Variants in PRKAR2A observed in about 807,000 individuals in gnomAD.
PRKAR2A encodes the protein cAMP-dependent protein kinase type II-alpha regulatory subunit.
In PRKAR2A, 29 loss-of-function variants were observed where a neutral mutation model predicts 51.9. The observed-to-expected ratio is 0.56, with a 90% CI of 0.42 to 0.76. The LOEUF (loss-of-function observed/expected upper bound fraction) is 0.76. PRKAR2A is among the 30% of genes least tolerant of loss of function. The probability of loss-of-function intolerance (pLI) is 0.00; values close to 1 mark genes in which losing one functional copy is unlikely to be tolerated. For synonymous variants in PRKAR2A, 178 were observed against 186.2 expected (o/e 0.96, Z 0.36); for missense variants, 445 against 512.1 (o/e 0.87, Z 1.26).
chr3:48,835,437 C>T (rs1306391437), intron 1 of PRKAR2A, among the ~76,000 whole-genome samples: 2 of 151,826 alleles, frequency 1.3e-5, no homozygotes, highest in Non-Finnish European at 2.9e-5. Flanking sequence ...GTCAGCAGAT[C>T]GAGGCCATCC....
chr3:48,771,426 T>C (rs759068785), intron 6 of PRKAR2A, among the ~76,000 whole-genome samples: 6 of 152,138 alleles, frequency 3.9e-5, no homozygotes, highest in Non-Finnish European at 8.8e-5. Flanking sequence ...GAGGATTGCT[T>C]GAGCTCAGGA....
At chr3:48,824,542 T>A (rs2083025362) in intron 1 of PRKAR2A, among the ~76,000 whole-genome samples, 1 of 123,866 alleles carries the variant, frequency 8.1e-6, no homozygotes, top group Non-Finnish European at 1.7e-5. Flanking sequence ...TCCAAAATCA[T>A]AAGAAAGAAA....
Position 48,774,535 on chromosome 3 carries a change from TTCTA to T in PRKAR2A, c.543-1431_543-1428del, listed in dbSNP as rs1445524078. ...AAAAAAAGACATTAAAATTTATTTC[TTCTA>T]TCTAACTGTGTGTTTGTACCCATTA... On this transcript the variant is annotated intron_variant, in intron 5 of 10. Transcript: ENST00000265563. Among the ~76,000 whole-genome samples the T allele has an allele frequency of 3.3e-5, 5 of 152,268 alleles. No homozygotes were observed. In the East Asian group the frequency reaches 7.7e-4, roughly 24 times the overall value.
rs534405609 is a variant in PRKAR2A at position 48,836,626 on chromosome 3, A to G, written c.262+10709T>C. Among the ~76,000 whole-genome samples, 425 of 151,852 alleles carry G rather than the reference A, an allele frequency of 2.8e-3. 4 individuals carry two copies. The highest frequency in any genetic ancestry group is 9.7e-3 in the African/African-American group (403 of 41,424). ...CACCTATAGCACAAACAAGAAAAGA[A>G]AAAAGACACATCCGATTTCATCAGA... On this transcript the variant is annotated intron_variant, in intron 1 of 10. Coordinates refer to ENST00000265563, the MANE Select transcript of PRKAR2A (RefSeq NM_004157.4).
intron 1 of PRKAR2A, among the ~76,000 whole-genome samples, chr3:48,833,773 C>T (rs936113866): frequency 2.0e-5 from 3 of 150,368 alleles, no homozygotes; most frequent in Admixed American, 6.6e-5. Context: ...CAGTGGCTCA[C>T]GCCTGTATTC....
rs760005069 is a variant in PRKAR2A, at chr3:48,756,406, G to A, written c.912C>T (p.Gly304=). The A allele has an allele frequency of 9.9e-6, 16 of 1,613,652 alleles. No homozygotes were observed. Among genetic ancestry groups the A allele is most frequent in the East Asian group, 2.2e-5 (1 of 44,884 alleles). The part of the protein sequence containing the change: ...KADSFYIIES[G]EVSILIRSRT... Reference sequence around the variant, plus strand: ...TGCTTCTAATCAAGATGCTCACTTCGCCAGACTCTATGATGTAAAAGCTAT... The same window carrying A: ...TGCTTCTAATCAAGATGCTCACTTCACCAGACTCTATGATGTAAAAGCTAT... Residue 304 remains glycine, a synonymous_variant, in exon 9 of 11, where the codon GGC becomes GGT. Coordinates refer to ENST00000265563, the MANE Select transcript of PRKAR2A (RefSeq NM_004157.4).
chr3:48,751,836 C>T, intron 10 of PRKAR2A, 118 bp from the exon 11 acceptor site: 1 of 1,226,446 alleles, frequency 8.2e-7, no homozygotes, highest in Non-Finnish European at 1.1e-6. Flanking sequence ...ACACCAGCCA[C>T]TTGCAAAAAG....
At chr3:48,763,779 C>T (rs1224397734) in intron 8 of PRKAR2A, among the ~76,000 whole-genome samples, 1 of 152,114 alleles carries the variant, frequency 6.6e-6, no homozygotes, top group Non-Finnish European at 1.5e-5. Context: ...CACTGTCGTT[C>T]ATACTCTCCT....
At chr3:48,777,163 T>A (rs1281826325) in intron 5 of PRKAR2A, among the ~76,000 whole-genome samples, 2 of 152,102 alleles carry the variant, frequency 1.3e-5, no homozygotes, top group East Asian at 1.9e-4. Context: ...AAGACAGTCA[T>A]CTCGCCTGCT....
intron 4 of PRKAR2A, among the ~76,000 whole-genome samples, chr3:48,787,917 G>GT (rs2082321199): frequency 6.6e-6 from 1 of 152,180 alleles, no homozygotes; most frequent in Non-Finnish European, 1.5e-5. Context: ...TAGGAGCTGG[G>GT]TAACAGAGGA....
At chr3:48,844,411 T>C (rs1280673448) in intron 1 of PRKAR2A, among the ~76,000 whole-genome samples, 1 of 150,000 alleles carries the variant, frequency 6.7e-6, no homozygotes, top group Non-Finnish European at 1.5e-5. Flanking sequence ...AGTTCAACCA[T>C]TGTGGAAGTC....
At chr3:48,791,592 CA>C (rs35978535) in intron 3 of PRKAR2A, among the ~76,000 whole-genome samples, 120 of 41,826 alleles carry the variant, frequency 2.9e-3, no homozygotes, top group East Asian at 0.016. Flanking sequence ...GATTCCGTCT[CA>C]AAAAAAAAAA....
chr3:48,773,241 T>C, intron 5 of PRKAR2A, 133 bp from the exon 6 acceptor site: 1 of 697,984 alleles, frequency 1.4e-6, no homozygotes. Flanking sequence ...AAAAAAAACA[T>C]ATTTTTGTAT....
At chr3:48,776,683 A>G (rs2082110460) in intron 5 of PRKAR2A, among the ~76,000 whole-genome samples, 1 of 152,078 alleles carries the variant, frequency 6.6e-6, no homozygotes, top group Admixed American at 6.6e-5. Flanking sequence ...TCTACTAAAA[A>G]TACAGAAATT....
intron 1 of PRKAR2A, among the ~76,000 whole-genome samples, chr3:48,845,901 G>A (rs979708720): frequency 2.0e-5 from 3 of 151,302 alleles, no homozygotes; most frequent in Non-Finnish European, 4.4e-5. Flanking sequence ...AGCCCTGATT[G>A]TGCCACTACA....
rs1176364685 is a variant in PRKAR2A, at chr3:48,750,420, G to A, written c.*1165C>T. The A allele has an allele frequency of 2.0e-5, 3 of 152,206 alleles. No individual in the cohort carries two copies. Among genetic ancestry groups the A allele is most frequent in the African/African-American group, 7.2e-5 (3 of 41,414 alleles). 9.4% of individuals were successfully genotyped at this position (152,206 alleles called of 1,614,324 possible). On this transcript the variant is annotated 3_prime_UTR_variant, in exon 11 of 11. Coordinates refer to ENST00000265563, the MANE Select transcript of PRKAR2A (RefSeq NM_004157.4). ...TGTAGAGACAGGATCTCACTCTGTT[G>A]CCTAGGCTGGTCTTAAGCGATCCTC...
At position 48,847,820 on chromosome 3, in the gene PRKAR2A, C is replaced by T; in HGVS notation, c.-224G>A. ...CGCTGTCACTGGGCAGCCGCCGCCG[C>T]CGCGGGGACCGACGGGCAGGCGAGC... is the stretch of plus-strand genomic sequence containing the variant. On this transcript the variant is annotated 5_prime_UTR_variant, in exon 1 of 11. Coordinates refer to ENST00000265563, the MANE Select transcript of PRKAR2A (RefSeq NM_004157.4). The surrounding 1 kb of genome is among the most constrained non-coding windows in gnomAD (Gnocchi z 4.4). 7.5e-6 allele frequency: 3 copies of T among 400,028 alleles called. No homozygotes were observed. The allele number at this position is 400,028 out of a possible 1,614,324, so 24.8% of individuals were successfully genotyped here. A position where few individuals can be genotyped will look rare whatever the true frequency, so the allele number is the denominator to read the frequency against.
At chr3:48,829,871 ATTT>A (rs763726926) in intron 1 of PRKAR2A, among the ~76,000 whole-genome samples, 2,079 of 87,662 alleles carry the variant, frequency 0.024, 95 homozygotes, top group African/African-American at 0.089. Flanking sequence ...ATATATATAT[ATTT>A]TTTTTTTTTT....
At chr3:48,785,291 C>T (rs1442036354) in intron 4 of PRKAR2A, among the ~76,000 whole-genome samples, 4 of 145,670 alleles carry the variant, frequency 2.7e-5, no homozygotes, top group Non-Finnish European at 6.0e-5. Flanking sequence ...GACAGAGTCT[C>T]GCTCTGTCGG....
Sources: allele counts gnomAD v4.1 joint callset (sites outside exome capture counted in the v4.1 genomes callset), GRCh38; gene constraint gnomAD v4.1.1; non-coding constraint Gnocchi (gnomAD v3.1); transcripts MANE v1.5; gene names NCBI Gene and HGNC (gene_info 2026-07-23, HGNC 2026-07-21).